The following SCAI variants were observed in gnomAD, a reference collection of about 807,000 sequenced individuals.
SCAI encodes the protein suppressor of cancer cell invasion, also known as protein SCAI.
Under a neutral mutation model 92.2 loss-of-function variants are expected in SCAI, and 24 were observed. The ratio of observed to expected loss-of-function variants is 0.26; its 90% CI spans 0.19 to 0.37. The LOEUF is 0.37. Ranked by LOEUF, SCAI falls within the 10% of genes least tolerant of loss-of-function variation. The pLI, the probability that SCAI is intolerant of heterozygous loss-of-function variation, is 1.00. For missense variants in SCAI, 450 were observed against 736.2 expected (o/e 0.61, Z 4.50); for synonymous variants, 261 against 258.6 (o/e 1.01, Z -0.09).
chr9:125,115,615 T>A (rs557603353), intron 2 of SCAI, among the ~76,000 whole-genome samples: 2 of 151,988 alleles, frequency 1.3e-5, no homozygotes, highest in African/African-American at 4.8e-5. Context: ...AAAGAATACA[T>A]ACAGTATCAT....
At chr9:124,987,263 C>A (rs889119859) in intron 14 of SCAI, among the ~76,000 whole-genome samples, 40 of 152,054 alleles carry the variant, frequency 2.6e-4, no homozygotes, top group African/African-American at 9.7e-4. Flanking sequence ...ACCTTGTGAT[C>A]CGCCTGCCTC....
chr9:125,093,344 G>C (rs1486779117), intron 2 of SCAI, among the ~76,000 whole-genome samples: 1 of 151,972 alleles, frequency 6.6e-6, no homozygotes, highest in African/African-American at 2.4e-5. Context: ...CTGGGCAACA[G>C]AACAAAACTC....
At chr9:124,956,889 G>A (rs1247150095) in intron 17 of SCAI, among the ~76,000 whole-genome samples, 1 of 151,762 alleles carries the variant, frequency 6.6e-6, no homozygotes, top group Admixed American at 6.6e-5. Context: ...GTTTAAGGAT[G>A]GATGACATGA....
At chr9:124,994,786 T>C (rs1406937477) in intron 14 of SCAI, 148 bp downstream of exon 14, 3 of 490,988 alleles carry the variant, frequency 6.1e-6, no homozygotes, top group Non-Finnish European at 1.1e-5. Flanking sequence ...CTGACTAGCA[T>C]GCACAACCTC....
At chr9:125,044,585 A>G (rs569399091) in intron 3 of SCAI, among the ~76,000 whole-genome samples, 1 of 152,038 alleles carries the variant, frequency 6.6e-6, no homozygotes, top group East Asian at 1.9e-4. Flanking sequence ...CACCTTGTTC[A>G]CCCTCCAGTT....
chr9:125,098,969 G>T (rs1276046328), intron 2 of SCAI, among the ~76,000 whole-genome samples: 1 of 150,626 alleles, frequency 6.6e-6, no homozygotes, highest in East Asian at 1.9e-4. Context: ...CAAAATCACA[G>T]ATTAAAAAAA....
At chr9:125,088,606 T>C (rs1834367880) in intron 2 of SCAI, among the ~76,000 whole-genome samples, 1 of 152,182 alleles carries the variant, frequency 6.6e-6, no homozygotes, top group Non-Finnish European at 1.5e-5. Flanking sequence ...TAGTTCTTTA[T>C]AGCAATGTGA....
intron 3 of SCAI, among the ~76,000 whole-genome samples, chr9:125,049,187 A>G (rs1833506241): frequency 6.6e-6 from 1 of 151,952 alleles, no homozygotes; most frequent in African/African-American, 2.4e-5. Context: ...TATAATAATA[A>G]TATTATATAT....
chr9:124,998,387 A>G (rs1478616997), intron 13 of SCAI, among the ~76,000 whole-genome samples: 1 of 151,898 alleles, frequency 6.6e-6, no homozygotes, highest in Non-Finnish European at 1.5e-5. Flanking sequence ...TGGGAGATGG[A>G]GGTTGCAGTG....
At chr9:125,072,015 G>A (rs935743202) in intron 2 of SCAI, among the ~76,000 whole-genome samples, 1 of 147,796 alleles carries the variant, frequency 6.8e-6, no homozygotes, top group Non-Finnish European at 1.5e-5. Context: ...AGAGACAGGG[G>A]ATAGTAGATA....
At chr9:124,958,087 G>A (rs1289881619) in intron 17 of SCAI, among the ~76,000 whole-genome samples, 1 of 152,158 alleles carries the variant, frequency 6.6e-6, no homozygotes, top group East Asian at 1.9e-4. Flanking sequence ...CCTGGTGAAA[G>A]AAACTAAACA....
In SCAI at chr9:125,018,806, T is replaced by C; in HGVS notation, c.854A>G (p.Asn285Ser). 1.9e-6 allele frequency: 3 copies of C among 1,607,900 alleles called. No individual in the cohort carries two copies. Among genetic ancestry groups the C allele is most frequent in the Non-Finnish European group, 8.5e-7 (1 of 1,178,154 alleles). ...TCCTTCACAATTCTTTACCTGATTA[T>C]TACAATTACCAATAATGAGTGCGTC... ...LADALIIGNC[N>S]NQVKFSELTV... The change falls in exon 9 of 18, where the codon AAT (asparagine) becomes AGT (serine). Residue 285 changes from asparagine (N) to serine (S), a missense_variant. Around this residue, in one of 3 missense-constraint regions of SCAI, gnomAD observed 360 missense variants for 601.8 expected, o/e 0.60. Coordinates refer to ENST00000336505, the MANE Select transcript of SCAI (RefSeq NM_001144877.3).
chr9:125,099,194 AAT>A (rs1193961567), intron 2 of SCAI, among the ~76,000 whole-genome samples: 1 of 152,218 alleles, frequency 6.6e-6, no homozygotes, highest in African/African-American at 2.4e-5. Context: ...TCCAGGAAAA[AAT>A]AGAGAAAATA....
chr9:124,995,744 G>A (rs994173280), intron 13 of SCAI, among the ~76,000 whole-genome samples: 1 of 152,118 alleles, frequency 6.6e-6, no homozygotes, highest in African/African-American at 2.4e-5. Flanking sequence ...GCCCACCTCA[G>A]CTTCCCAAAG....
intron 14 of SCAI, among the ~76,000 whole-genome samples, chr9:124,981,797 G>A (rs754031069): frequency 7.9e-5 from 12 of 152,094 alleles, no homozygotes; most frequent in East Asian, 1.9e-4. Context: ...CTGCACAGAC[G>A]TGGCACCACA....
intron 17 of SCAI, among the ~76,000 whole-genome samples, chr9:124,954,619 C>CATACAATTCACCCATTTAAAGT (rs1303721720): frequency 4.6e-5 from 7 of 152,096 alleles, no homozygotes; most frequent in African/African-American, 1.7e-4. Context: ...ATTAACATAC[C>CATACAATTCACCCATTTAAAGT]ATACAATTCA....
At chr9:125,032,584 TG>T (rs1261970451) in intron 3 of SCAI, among the ~76,000 whole-genome samples, 2 of 149,902 alleles carry the variant, frequency 1.3e-5, no homozygotes, top group Non-Finnish European at 3.0e-5. Context: ...AGACACTCAA[TG>T]GAAGGAGAAA....
At chr9:124,986,416 C>A (rs1831991293) in intron 14 of SCAI, among the ~76,000 whole-genome samples, 1 of 152,182 alleles carries the variant, frequency 6.6e-6, no homozygotes, top group African/African-American at 2.4e-5. Context: ...AAGTTACACA[C>A]AGCTGAAGAG....
intron 2 of SCAI, among the ~76,000 whole-genome samples, chr9:125,138,840 C>T (rs554036987): frequency 5.9e-5 from 9 of 152,158 alleles, no homozygotes; most frequent in South Asian, 2.1e-4. Flanking sequence ...TGAGCCACCA[C>T]GCCAGCAGAA....
Sources: gnomAD v4.1 joint callset for allele counts (sites outside exome capture counted in the v4.1 genomes callset) on GRCh38, gnomAD v4.1.1 for gene constraint, gnomAD v4.1.1 regional missense constraint, MANE v1.5 for transcripts, NCBI Gene and HGNC (gene_info 2026-07-23, HGNC 2026-07-21) for gene names.